The following FAIM variants were observed in gnomAD, a reference collection of about 807,000 sequenced individuals.
The protein encoded by FAIM is fas apoptotic inhibitory molecule 1.
In FAIM, 14 loss-of-function variants were observed where a neutral mutation model predicts 21.2. The ratio of observed to expected loss-of-function variants is 0.66; its 90% CI spans 0.44 to 1.03. The LOEUF is 1.03. Among genes scored for constraint, FAIM ranks in the 50% least tolerant of loss-of-function variants. FAIM has a pLI of 0.00. For missense variants in FAIM, 222 were observed against 247.1 expected (o/e 0.90, Z 0.68); for synonymous variants, 86 against 80.4 (o/e 1.07, Z -0.37).
In FAIM at chr3:138,633,073, A is replaced by T. The variant is rs1289301787; in HGVS notation, c.600A>T (p.Ala200=). The part of the protein sequence containing the change: ...IVDNREIPEI[A]S Reference sequence around the variant, plus strand: ...ATAATAGAGAAATCCCAGAGATTGCAAGTTAATGAATTTTCATCTTAAGAA... The same window carrying T: ...ATAATAGAGAAATCCCAGAGATTGCTAGTTAATGAATTTTCATCTTAAGAA... Residue 200 remains alanine (A), a synonymous_variant, in exon 6 of 6, where the codon GCA becomes GCT. Coordinates refer to ENST00000360570, the MANE Select transcript of FAIM (RefSeq NM_001033031.2). The T allele has an allele frequency of 2.5e-6, 4 of 1,611,820 alleles. No individual in the cohort carries two copies. Among genetic ancestry groups the T allele is most frequent in the Admixed American group, 3.4e-5 (2 of 59,556 alleles).
chr3:138,613,805 T>A (rs1476813855), intron 1 of FAIM, among the ~76,000 whole-genome samples: 3 of 152,176 alleles, frequency 2.0e-5, no homozygotes, highest in Admixed American at 1.3e-4. Context: ...TTTGATGAAG[T>A]TCAATTTATC....
At chr3:138,623,682 TAAC>T (rs751960196) in intron 4 of FAIM, among the ~76,000 whole-genome samples, 11 of 152,208 alleles carry the variant, frequency 7.2e-5, no homozygotes, top group East Asian at 1.9e-4. Flanking sequence ...TTTTCATTCT[TAAC>T]AACAATATTC....
At chr3:138,625,736 T>C (rs1191495454) in intron 4 of FAIM, among the ~76,000 whole-genome samples, 6 of 152,196 alleles carry the variant, frequency 3.9e-5, no homozygotes, top group Admixed American at 6.5e-5. Flanking sequence ...TATAATTATT[T>C]CTAACCCTTA....
chr3:138,615,441 C>T (rs2042816272), intron 1 of FAIM, among the ~76,000 whole-genome samples: 1 of 152,126 alleles, frequency 6.6e-6, no homozygotes, highest in Non-Finnish European at 1.5e-5. Context: ...TCACCAGTTA[C>T]GAAGAAGTAA....
chr3:138,629,045 A>G (rs1005627848), intron 4 of FAIM, 62 bp from the exon 5 acceptor site: 12 of 1,316,582 alleles, frequency 9.1e-6, no homozygotes, highest in Non-Finnish European at 1.3e-5. Context: ...ATAAATAGGA[A>G]AAGTTAACTT....
At chr3:138,613,866 T>C (rs1330713493) in intron 1 of FAIM, among the ~76,000 whole-genome samples, 1 of 152,210 alleles carries the variant, frequency 6.6e-6, no homozygotes, top group Non-Finnish European at 1.5e-5. Context: ...AAGAATCCAT[T>C]GCCAAATCCA....
chr3:138,628,692 C>T (rs571751502), intron 4 of FAIM, among the ~76,000 whole-genome samples: 9 of 152,084 alleles, frequency 5.9e-5, no homozygotes, highest in Non-Finnish European at 1.2e-4. Flanking sequence ...ACCGTATTAG[C>T]CAGGATGGTC....
At chr3:138,610,454 T>C (rs1385862141) in intron 1 of FAIM, 1 of 153,188 alleles carries the variant, frequency 6.5e-6, no homozygotes, top group Non-Finnish European at 1.5e-5. Flanking sequence ...ATTTACATTT[T>C]AATAAAATAT....
At chr3:138,611,065 A>T in intron 1 of FAIM, 5 of 1,491,926 alleles carry the variant, frequency 3.4e-6, no homozygotes, top group Non-Finnish European at 4.7e-6. Context: ...AGCCTGGTAC[A>T]TAAGTACCCA....
intron 1 of FAIM, among the ~76,000 whole-genome samples, chr3:138,613,593 C>T (rs2042794687): frequency 6.6e-6 from 1 of 152,146 alleles, no homozygotes; most frequent in African/African-American, 2.4e-5. Context: ...AAGTGATCCT[C>T]CCACTTCAGC....
intron 1 of FAIM, among the ~76,000 whole-genome samples, chr3:138,617,553 C>T (rs1432417135): frequency 1.4e-5 from 2 of 146,698 alleles, no homozygotes; most frequent in Non-Finnish European, 3.0e-5. Flanking sequence ...ATCTACCTAT[C>T]TGTCTATCTA....
intron 5 of FAIM, among the ~76,000 whole-genome samples, chr3:138,631,824 C>G (rs917497372): frequency 6.6e-6 from 1 of 152,100 alleles, no homozygotes; most frequent in African/African-American, 2.4e-5. Context: ...ACACACTGCA[C>G]CCAAGGACAT....
At chr3:138,621,097 C>T (rs1049411862) in intron 2 of FAIM, 1 of 250,778 alleles carries the variant, frequency 4.0e-6, no homozygotes, top group South Asian at 6.0e-5. Context: ...TTTCCATGCA[C>T]TATACTGTAG....
Position 138,629,121 on chromosome 3 carries a change from G to A in FAIM, c.421G>A (p.Asp141Asn), listed in dbSNP as rs751029330. ...TACCTTTACAGAAAAAGATGCTATG[G>A]ACGTATGGTGCAATGGTAAAAAATT... ...FRIVLEKDAM[D>N]VWCNGKKLET... Residue 141 changes from aspartate (D) to asparagine (N), a missense_variant, in exon 5 of 6, where the codon GAC becomes AAC. Asp to Asn is a conservative substitution (Grantham distance 23). Transcript: ENST00000360570. 6 of 1,610,588 alleles carry A rather than the reference G, an allele frequency of 3.7e-6. No homozygotes were observed. In the South Asian group the frequency reaches 5.5e-5, roughly 15 times the overall value.
At position 138,633,318 on chromosome 3, in the gene FAIM, C is replaced by T. The variant is rs1314543125; in HGVS notation, c.*239C>T. 2 of 284,934 alleles carry T rather than the reference C, an allele frequency of 7.0e-6. No individual in the cohort carries two copies. Among genetic ancestry groups the T allele is most frequent in the East Asian group, 1.4e-4 (2 of 14,454 alleles). 17.7% of individuals were successfully genotyped at this position (284,934 alleles called of 1,614,324 possible). On this transcript the variant is annotated 3_prime_UTR_variant, in exon 6 of 6. Transcript: ENST00000360570. ...AGACAAATGGCAAATAAGATATGGA[C>T]CAAAGTCACTAATGTTTTACAACAG... is the stretch of plus-strand genomic sequence containing the variant.
chr3:138,622,848 G>A (rs1055101134), intron 4 of FAIM, among the ~76,000 whole-genome samples: 5 of 151,952 alleles, frequency 3.3e-5, no homozygotes, highest in African/African-American at 1.2e-4. Context: ...AGACCAGCCT[G>A]GCCAACATGG....
chr3:138,622,393 G>C lies in FAIM; in HGVS notation c.383G>C (p.Gly128Ala). The change falls in exon 4 of 6, where the codon GGT becomes GCT. Residue 128 changes from glycine to alanine, a missense_variant. Coordinates refer to ENST00000360570, the MANE Select transcript of FAIM (RefSeq NM_001033031.2). ...TTNTWVLHMDGENFRIVLEKD... is the reference protein window; with the variant it reads ...TTNTWVLHMDAENFRIVLEKD... ...AATACTTGGGTATTACACATGGATG[G>C]TGAGAACTTTAGAATTGTTTTGGGT... The C allele has an allele frequency of 6.2e-7, 1 of 1,603,944 alleles. No homozygotes were observed. The highest frequency in any genetic ancestry group is 8.5e-7 in the Non-Finnish European group (1 of 1,177,038).
rs547984864 is a variant in FAIM, at chr3:138,623,401, G to A, written c.406+985G>A. Among the ~76,000 whole-genome samples the A allele has an allele frequency of 1.1e-4, 17 of 152,016 alleles. No individual in the cohort carries two copies. The South Asian group carries it at 1.5e-3, about 13-fold the overall frequency. ...TTTTGAGACAGAGTCTCACTTTGTCGCCCAGGCTGGAATGCAGTGGTGTGC... is the reference window on the plus strand; with the variant it reads ...TTTTGAGACAGAGTCTCACTTTGTCACCCAGGCTGGAATGCAGTGGTGTGC... On this transcript the variant is annotated intron_variant, in intron 4 of 5. Coordinates refer to ENST00000360570, the MANE Select transcript of FAIM (RefSeq NM_001033031.2).
rs113305001 is a variant in FAIM, at chr3:138,620,092, C to T, written c.44+322C>T. Among the ~76,000 whole-genome samples, 559 of 152,244 alleles carry T rather than the reference C, an allele frequency of 3.7e-3. 2 individuals carry two copies. The highest frequency in any genetic ancestry group is 0.012 in the African/African-American group (509 of 41,538). ...TTAGAGCGTACAGAGGAGATTAGGGCGAACAAAGAGGAAGATGTAGTTAAG... is the reference window on the plus strand; with the variant it reads ...TTAGAGCGTACAGAGGAGATTAGGGTGAACAAAGAGGAAGATGTAGTTAAG... On this transcript the variant is annotated intron_variant, in intron 2 of 5. Coordinates refer to ENST00000360570, the MANE Select transcript of FAIM (RefSeq NM_001033031.2).
Sources: gnomAD v4.1 joint callset for allele counts (sites outside exome capture counted in the v4.1 genomes callset) on GRCh38, gnomAD v4.1.1 for gene constraint, MANE v1.5 for transcripts, NCBI Gene and HGNC (gene_info 2026-07-23, HGNC 2026-07-21) for gene names.